The following SPOCK1 variants were observed in gnomAD, a reference collection of about 807,000 sequenced individuals.
SPOCK1 encodes SPARC (osteonectin), cwcv and kazal like domains proteoglycan 1.
SPOCK1 carries 23 observed loss-of-function variants against 55.3 expected under a neutral mutation model. The observed-to-expected ratio is 0.42, with a 90% CI of 0.30 to 0.59. The LOEUF is 0.59. Ranked by LOEUF, SPOCK1 falls within the 20% of genes least tolerant of loss-of-function variation. SPOCK1 has a pLI of 0.22. For missense variants in SPOCK1, 499 were observed against 552.5 expected (o/e 0.90, Z 0.97); for synonymous variants, 226 against 221.0 (o/e 1.02, Z -0.20).
intron 5 of SPOCK1, among the ~76,000 whole-genome samples, chr5:137,106,033 C>T (rs1753361787): frequency 6.6e-6 from 1 of 152,094 alleles, no homozygotes; most frequent in Middle Eastern, 3.2e-3. Flanking sequence ...AGCAGTCAGC[C>T]CTGACATCTG....
chr5:137,308,747 A>T (rs1580859181), intron 2 of SPOCK1, among the ~76,000 whole-genome samples: 1 of 152,072 alleles, frequency 6.6e-6, no homozygotes, highest in Middle Eastern at 3.2e-3. Context: ...TCCTGATTGG[A>T]CCCTGACAGA....
chr5:137,338,817 C>A (rs1011584921), intron 2 of SPOCK1, among the ~76,000 whole-genome samples: 4 of 152,094 alleles, frequency 2.6e-5, no homozygotes, highest in African/African-American at 9.7e-5. Flanking sequence ...TAAATGTCTT[C>A]TTTTGAGAAG....
intron 2 of SPOCK1, among the ~76,000 whole-genome samples, chr5:137,348,036 C>G (rs1438806311): frequency 1.3e-5 from 2 of 152,180 alleles, no homozygotes; most frequent in Non-Finnish European, 2.9e-5. Context: ...GCTGCTGCTG[C>G]TGGGCTGTGG....
chr5:137,349,995 C>T (rs1485050945), intron 2 of SPOCK1, among the ~76,000 whole-genome samples: 2 of 152,134 alleles, frequency 1.3e-5, no homozygotes, highest in African/African-American at 4.8e-5. Flanking sequence ...AAGCCCCATT[C>T]TCAGCATGTT....
At chr5:137,264,506 C>T (rs1756808588) in intron 3 of SPOCK1, among the ~76,000 whole-genome samples, 1 of 152,102 alleles carries the variant, frequency 6.6e-6, no homozygotes, top group Non-Finnish European at 1.5e-5. Flanking sequence ...ATCATGAAGC[C>T]CCTTCCATCC....
intron 3 of SPOCK1, among the ~76,000 whole-genome samples, chr5:137,200,688 C>T (rs1755409898): frequency 2.6e-5 from 4 of 152,014 alleles, no homozygotes; most frequent in African/African-American, 9.7e-5. Context: ...TTCTGTGATA[C>T]ATGTGCTGAA....
At chr5:137,226,162 A>G (rs1050563713) in intron 3 of SPOCK1, among the ~76,000 whole-genome samples, 1 of 152,220 alleles carries the variant, frequency 6.6e-6, no homozygotes, top group Non-Finnish European at 1.5e-5. Flanking sequence ...ATTCTGCAGC[A>G]CAGTGATTCT....
At chr5:137,042,092 T>C (rs1174644566) in intron 6 of SPOCK1, among the ~76,000 whole-genome samples, 1 of 151,950 alleles carries the variant, frequency 6.6e-6, no homozygotes, top group Non-Finnish European at 1.5e-5. Context: ...CTATGAAACA[T>C]CCATACAATG....
At chr5:137,470,400 GT>G (rs1489490975) in intron 2 of SPOCK1, among the ~76,000 whole-genome samples, 4 of 152,216 alleles carry the variant, frequency 2.6e-5, no homozygotes, top group Non-Finnish European at 5.9e-5. Context: ...GAGTTATGCT[GT>G]TTGTCTTATC....
intron 2 of SPOCK1, among the ~76,000 whole-genome samples, chr5:137,268,809 A>G (rs1237989606): frequency 6.6e-6 from 1 of 152,238 alleles, no homozygotes; most frequent in African/African-American, 2.4e-5. Context: ...TATAATGGCA[A>G]TGTGAAATCT....
intron 2 of SPOCK1, among the ~76,000 whole-genome samples, chr5:137,312,251 C>A (rs1233490475): frequency 6.6e-6 from 1 of 152,170 alleles, no homozygotes; most frequent in Non-Finnish European, 1.5e-5. Context: ...CATGCCTGGT[C>A]CCAGGCAGCC....
intron 6 of SPOCK1, among the ~76,000 whole-genome samples, chr5:137,053,321 A>C (rs983090133): frequency 7.9e-5 from 12 of 152,002 alleles, no homozygotes; most frequent in Admixed American, 2.0e-4. Flanking sequence ...GTAGAGGCCA[A>C]CTTGCATCAG....
intron 2 of SPOCK1, among the ~76,000 whole-genome samples, chr5:137,463,300 A>C (rs1029285770): frequency 2.6e-5 from 4 of 152,216 alleles, no homozygotes; most frequent in South Asian, 4.1e-4. Flanking sequence ...CATGTGGTAC[A>C]TATACACAAT....
At chr5:137,443,513 G>A (rs1753060443) in intron 2 of SPOCK1, among the ~76,000 whole-genome samples, 1 of 152,120 alleles carries the variant, frequency 6.6e-6, no homozygotes. Flanking sequence ...ACTTGCAGAT[G>A]GCTGTCCCAG....
At chr5:137,431,241 T>C (rs1449606532) in intron 2 of SPOCK1, among the ~76,000 whole-genome samples, 1 of 152,220 alleles carries the variant, frequency 6.6e-6, no homozygotes, top group Non-Finnish European at 1.5e-5. Flanking sequence ...AGGTTTTCTG[T>C]TACCTACAGC....
intron 3 of SPOCK1, among the ~76,000 whole-genome samples, chr5:137,198,865 TA>T (rs1755354841): frequency 6.6e-6 from 1 of 152,254 alleles, no homozygotes; most frequent in South Asian, 2.1e-4. Context: ...CTCTTCTGAA[TA>T]AATACTAAAC....
chr5:137,346,728 A>C (rs1406180647), intron 2 of SPOCK1, among the ~76,000 whole-genome samples: 1 of 152,232 alleles, frequency 6.6e-6, no homozygotes, highest in Non-Finnish European at 1.5e-5. Context: ...AGGAGTTTGC[A>C]GCTCAGAAAG....
intron 2 of SPOCK1, among the ~76,000 whole-genome samples, chr5:137,465,938 CACA>C (rs1472417031): frequency 6.6e-6 from 1 of 152,198 alleles, no homozygotes; most frequent in Non-Finnish European, 1.5e-5. Context: ...AGTGATCATA[CACA>C]ACATTTATCT....
chr5:137,489,960 C>T (rs1009147067), intron 2 of SPOCK1, among the ~76,000 whole-genome samples: 3 of 152,214 alleles, frequency 2.0e-5, no homozygotes, highest in Admixed American at 6.5e-5. Flanking sequence ...CTGAGAGCAT[C>T]GGTGCCTCTG....
Sources: allele counts gnomAD v4.1 joint callset (sites outside exome capture counted in the v4.1 genomes callset), GRCh38; gene constraint gnomAD v4.1.1; transcripts MANE v1.5; gene names NCBI Gene and HGNC (gene_info 2026-07-23, HGNC 2026-07-21).